Variants in ARID1A observed in about 807,000 individuals in gnomAD.
ARID1A encodes AT-rich interaction domain 1A.
A neutral mutation model predicts 212.6 loss-of-function variants in ARID1A; 20 were observed. The ratio of observed to expected loss-of-function variants is 0.09; its 90% CI spans 0.07 to 0.14. The LOEUF (loss-of-function observed/expected upper bound fraction) is 0.14, where lower values mean the gene tolerates loss of function less well. Among genes scored for constraint, ARID1A ranks in the 10% least tolerant of loss-of-function variants. The pLI, the probability that ARID1A is intolerant of heterozygous loss-of-function variation, is 1.00. For synonymous variants in ARID1A, 1,376 were observed against 1,222.1 expected, an observed-to-expected ratio of 1.13 and a Z score of -2.63; for missense variants, 2,587 against 3,059.0, an observed-to-expected ratio of 0.85 and a Z score of 3.64.
intron 1 of ARID1A, among the ~76,000 whole-genome samples, chr1:26,700,183 T>C (rs1008514684): frequency 6.6e-6 from 1 of 152,222 alleles, no homozygotes; most frequent in Admixed American, 6.5e-5. Context: ...GTTCAGACTT[T>C]GTTCTGAATT....
At chr1:26,726,944 C>G (rs951558147) in intron 1 of ARID1A, among the ~76,000 whole-genome samples, 1 of 152,222 alleles carries the variant, frequency 6.6e-6, no homozygotes, top group African/African-American at 2.4e-5. Context: ...GTTTCTGTTA[C>G]TAGAAGCCAC....
At chr1:26,765,910 G>A in intron 8 of ARID1A, 1 of 257,234 alleles carries the variant, frequency 3.9e-6, no homozygotes, top group Non-Finnish European at 7.4e-6. Context: ...ACATGGTGGT[G>A]CATGCCTCAT....
At chr1:26,731,100 CT>C (rs1164909335) in intron 2 of ARID1A, 51 bp from the exon 3 acceptor site, 1 of 1,548,714 alleles carries the variant, frequency 6.5e-7, no homozygotes, top group Admixed American at 1.7e-5. Context: ...AACACTTCAT[CT>C]TTCCTCATGC....
intron 2 of ARID1A, 43 bp downstream of exon 2, chr1:26,729,906 A>G: frequency 6.3e-7 from 1 of 1,591,804 alleles, no homozygotes; most frequent in Non-Finnish European, 8.6e-7. Flanking sequence ...TTGCTGTCCA[A>G]AATCTGATCT....
At chr1:26,756,049 T>A (rs2124036069) in intron 4 of ARID1A, among the ~76,000 whole-genome samples, 1 of 152,092 alleles carries the variant, frequency 6.6e-6, no homozygotes, top group Non-Finnish European at 1.5e-5. Context: ...GGCCAAGTTT[T>A]GGTTTTTTGT....
rs2081185857 is a variant in ARID1A, at chr1:26,780,816, G to A, written c.*60G>A. 7 of 1,509,032 alleles carry A rather than the reference G, an allele frequency of 4.6e-6. No individual in the cohort carries two copies. Among genetic ancestry groups the A allele is most frequent in the Non-Finnish European group, 6.2e-6 (7 of 1,131,222 alleles). The allele number at this position is 1,509,032 out of a possible 1,614,324, so 93.5% of individuals were successfully genotyped here. A position where few individuals can be genotyped will look rare whatever the true frequency, so the allele number is the denominator to read the frequency against. ...TGCGTGTGTGGAGAACTTAGAAACT[G>A]ACTGTTGCCCTTTATTTATGCAAAA... is the stretch of plus-strand genomic sequence containing the variant. On this transcript the variant is annotated 3_prime_UTR_variant, in exon 20 of 20. Transcript: ENST00000324856. This position sits in a 1 kb window ranked among gnomAD's most constrained non-coding sequence, Gnocchi z 7.2.
At position 26,771,452 on chromosome 1, in the gene ARID1A, C is replaced by T; in HGVS notation, c.3406+126C>T. On this transcript the variant is annotated intron_variant, in intron 12 of 19. Coordinates refer to ENST00000324856, the MANE Select transcript of ARID1A (RefSeq NM_006015.6). The surrounding 1 kb of genome is among the most constrained non-coding windows in gnomAD (Gnocchi z 5.4). ...AGGATCTGTGCTCTGCCTTGCCCTACCACAGGGCTTAACAGGTTGGCTGAC... is the reference window on the plus strand; with the variant it reads ...AGGATCTGTGCTCTGCCTTGCCCTATCACAGGGCTTAACAGGTTGGCTGAC... The T allele has an allele frequency of 3.8e-6, 4 of 1,061,120 alleles. No individual in the cohort carries two copies. Among genetic ancestry groups the T allele is most frequent in the Non-Finnish European group, 4.1e-6 (3 of 735,944 alleles). The allele number at this position is 1,061,120 out of a possible 1,614,324, so 65.7% of individuals were successfully genotyped here.
chr1:26,777,540 CTTCT>C (rs1423453416), intron 19 of ARID1A, among the ~76,000 whole-genome samples: 1 of 151,846 alleles, frequency 6.6e-6, no homozygotes, highest in African/African-American at 2.4e-5. Flanking sequence ...CCCCGGATAA[CTTCT>C]TTATTTTTTT....
At chr1:26,757,507 T>TA (rs977120697) in intron 4 of ARID1A, among the ~76,000 whole-genome samples, 1 of 150,778 alleles carries the variant, frequency 6.6e-6, no homozygotes, top group African/African-American at 2.4e-5. Context: ...CGCACAAAGA[T>TA]ACGCACCAAA....
At chr1:26,708,638 A>C (rs894558461) in intron 1 of ARID1A, among the ~76,000 whole-genome samples, 4 of 151,538 alleles carry the variant, frequency 2.6e-5, no homozygotes, top group African/African-American at 9.7e-5. Flanking sequence ...AAGTATATGC[A>C]GAGTGATATT....
intron 4 of ARID1A, among the ~76,000 whole-genome samples, chr1:26,754,027 TCA>T (rs2080907351): frequency 6.6e-6 from 1 of 152,144 alleles, no homozygotes. Flanking sequence ...CAGGATGGTC[TCA>T]GTCTCCTGAC....
chr1:26,702,315 CT>C (rs2080338970), intron 1 of ARID1A, among the ~76,000 whole-genome samples: 1 of 152,230 alleles, frequency 6.6e-6, no homozygotes, highest in African/African-American at 2.4e-5. Flanking sequence ...AAATGCTATT[CT>C]TTCTCTTCTC....
At chr1:26,705,907 G>A (rs1195739088) in intron 1 of ARID1A, among the ~76,000 whole-genome samples, 2 of 152,208 alleles carry the variant, frequency 1.3e-5, no homozygotes, top group Non-Finnish European at 2.9e-5. Flanking sequence ...ATGGGAAGAA[G>A]TCTAATGCCA....
chr1:26,774,978 A>C lies in ARID1A; in HGVS notation c.4751A>C (p.Gln1584Pro), dbSNP rs558739370. Reference protein sequence around the residue: ...PPPSMQNHIPQVSSPAPLPRP... With the variant: ...PPPSMQNHIPPVSSPAPLPRP... ...CCAAGCATGCAGAATCACATTCCTC[A>C]GGTATCCAGCCCTGCTCCCCTGCCC... The change falls in exon 18 of 20, where the codon CAG (glutamine) becomes CCG (proline). Residue 1584 changes from glutamine to proline, a missense_variant. Around this residue, in one of 11 missense-constraint regions of ARID1A, gnomAD observed 890 missense variants for 1,098.2 expected, o/e 0.81. Coordinates refer to ENST00000324856, the MANE Select transcript of ARID1A (RefSeq NM_006015.6). The surrounding 1 kb of genome is among the most constrained non-coding windows in gnomAD (Gnocchi z 5.6). The C allele has an allele frequency of 6.5e-7, 1 of 1,528,642 alleles. No homozygotes were observed. The highest frequency in any genetic ancestry group is 8.8e-7 in the Non-Finnish European group (1 of 1,140,610). The allele number at this position is 1,528,642 out of a possible 1,614,324, so 94.7% of individuals were successfully genotyped here. A position where few individuals can be genotyped will look rare whatever the true frequency, so the allele number is the denominator to read the frequency against.
intron 19 of ARID1A, 119 bp from the exon 20 acceptor site, chr1:26,778,904 A>G (rs1029260197): frequency 2.0e-6 from 2 of 985,856 alleles, no homozygotes; most frequent in Non-Finnish European, 2.9e-6. Context: ...CCTTTGGGAA[A>G]GGAGCAACTC....
intron 4 of ARID1A, among the ~76,000 whole-genome samples, chr1:26,743,085 G>A (rs1009197162): frequency 6.6e-5 from 10 of 152,144 alleles, no homozygotes; most frequent in African/African-American, 1.9e-4. Context: ...CAGTTGTTTC[G>A]TGCGTGTTTT....
chr1:26,762,526 C>T (rs1410500040), intron 7 of ARID1A, among the ~76,000 whole-genome samples: 1 of 152,258 alleles, frequency 6.6e-6, no homozygotes, highest in African/African-American at 2.4e-5. Context: ...TTCAATTTCA[C>T]TGAGCCTCTG....
At chr1:26,772,274 C>T (rs559527386) in intron 12 of ARID1A, 3 of 595,808 alleles carry the variant, frequency 5.0e-6, no homozygotes, top group East Asian at 2.9e-5. Flanking sequence ...GTCATGGCCA[C>T]ATCACTCCTC....
intron 1 of ARID1A, among the ~76,000 whole-genome samples, chr1:26,713,017 G>A (rs543816576): frequency 2.7e-4 from 41 of 152,336 alleles, no homozygotes; most frequent in Non-Finnish European, 4.3e-4. Flanking sequence ...CCTGAGAAGC[G>A]TAGCTGTGAT....
Sources: gnomAD v4.1 joint callset for allele counts (sites outside exome capture counted in the v4.1 genomes callset) on GRCh38, gnomAD v4.1.1 for gene constraint, gnomAD v4.1.1 regional missense constraint, Gnocchi (gnomAD v3.1) non-coding constraint, MANE v1.5 for transcripts, NCBI Gene and HGNC (gene_info 2026-07-23, HGNC 2026-07-21) for gene names.